Variants in CPS1 observed in about 807,000 individuals in gnomAD.
CPS1 encodes carbamoyl-phosphate synthase [ammonia], mitochondrial.
In CPS1, 109 loss-of-function variants were observed where a neutral mutation model predicts 174.6. The observed-to-expected ratio is 0.62, with a 90% CI of 0.53 to 0.73. The LOEUF is 0.73. Among genes scored for constraint, CPS1 ranks in the 30% least tolerant of loss-of-function variants. The pLI, the probability that CPS1 is intolerant of heterozygous loss-of-function variation, is 0.00. For missense variants in CPS1, 1,689 were observed against 1,821.9 expected, an observed-to-expected ratio of 0.93 and a Z score of 1.33; for synonymous variants, 637 against 632.0, an observed-to-expected ratio of 1.01 and a Z score of -0.12.
At chr2:210,520,954 G>C (rs1379480941) in intron 1 of CPS1, among the ~76,000 whole-genome samples, 1 of 151,962 alleles carries the variant, frequency 6.6e-6, no homozygotes, top group Non-Finnish European at 1.5e-5. Context: ...CATTTCTCTT[G>C]GGGGAAAAAG....
chr2:210,551,169 C>T (rs915690106), intron 1 of CPS1, among the ~76,000 whole-genome samples: 2 of 151,894 alleles, frequency 1.3e-5, no homozygotes, highest in African/African-American at 2.4e-5. Context: ...CTAACTTACA[C>T]GTGACCTCCC....
At chr2:210,663,608 G>T (rs1446619002) in intron 33 of CPS1, among the ~76,000 whole-genome samples, 1 of 152,068 alleles carries the variant, frequency 6.6e-6, no homozygotes, top group African/African-American at 2.4e-5. Context: ...GCATTATAAA[G>T]ATCATAGACC....
At chr2:210,660,783 C>T in intron 32 of CPS1, 128 bp downstream of exon 32, 1 of 928,328 alleles carries the variant, frequency 1.1e-6, no homozygotes, top group Non-Finnish European at 1.7e-6. Flanking sequence ...ATTTACATTT[C>T]CTTTCAATAA....
At chr2:210,547,137 A>G (rs1458161738) in intron 1 of CPS1, among the ~76,000 whole-genome samples, 2 of 152,120 alleles carry the variant, frequency 1.3e-5, no homozygotes, top group Non-Finnish European at 2.9e-5. Context: ...GAATTTACAT[A>G]TGTATGAGCC....
chr2:210,548,885 C>G (rs1381051187), intron 1 of CPS1, among the ~76,000 whole-genome samples: 1 of 152,028 alleles, frequency 6.6e-6, no homozygotes, highest in African/African-American at 2.4e-5. Context: ...AGCACGGGTC[C>G]TATTTCCGAT....
At chr2:210,491,654 T>C (rs1444869489) in intron 1 of CPS1, among the ~76,000 whole-genome samples, 2 of 152,058 alleles carry the variant, frequency 1.3e-5, no homozygotes, top group Non-Finnish European at 2.9e-5. Flanking sequence ...CCTGTGGCAA[T>C]GGGAAGTTAC....
intron 1 of CPS1, among the ~76,000 whole-genome samples, chr2:210,562,616 C>T (rs1697139204): frequency 6.6e-6 from 1 of 151,976 alleles, no homozygotes; most frequent in Non-Finnish European, 1.5e-5. Flanking sequence ...GTGCTTAGTT[C>T]AGATTTATTT....
At chr2:210,538,123 A>T (rs190542339) in intron 1 of CPS1, among the ~76,000 whole-genome samples, 525 of 152,292 alleles carry the variant, frequency 3.4e-3, no homozygotes, top group African/African-American at 0.012. Context: ...GCAGGATTTG[A>T]AATAGGAATA....
intron 1 of CPS1, among the ~76,000 whole-genome samples, chr2:210,544,473 A>C (rs1331525164): frequency 6.6e-6 from 1 of 152,082 alleles, no homozygotes; most frequent in Non-Finnish European, 1.5e-5. Context: ...CTGTACAAAC[A>C]TGTAGCTGTT....
At chr2:210,493,181 C>G (rs1694912446) in intron 1 of CPS1, among the ~76,000 whole-genome samples, 2 of 152,174 alleles carry the variant, frequency 1.3e-5, no homozygotes, top group South Asian at 4.1e-4. Context: ...CTGGACTCCT[C>G]TCTGTGGGTT....
chr2:210,678,383 C>T lies in CPS1; in HGVS notation c.*398C>T. On this transcript the variant is annotated 3_prime_UTR_variant, in exon 38 of 38. Transcript: ENST00000233072. ...TAAAACACTATCTGCAAACTCAGGACACTTTAACAGGGCAGAATACTCTAA... is the reference window on the plus strand; with the variant it reads ...TAAAACACTATCTGCAAACTCAGGATACTTTAACAGGGCAGAATACTCTAA... 3.6e-6 allele frequency: 1 copy of T among 279,298 alleles called. No individual in the cohort carries two copies. The highest frequency in any genetic ancestry group is 9.4e-5 in the East Asian group (1 of 10,676). The allele number at this position is 279,298 out of a possible 1,614,324, so 17.3% of individuals were successfully genotyped here.
Position 210,582,465 on chromosome 2 carries a change from A to T in CPS1, c.529-152A>T, listed in dbSNP as rs114690929. ...TATGTGCAAATTGCTTAATCTTTTCAGTTTGAGAAGATGAAGATCTTCCAT... is the reference window on the plus strand; with the variant it reads ...TATGTGCAAATTGCTTAATCTTTTCTGTTTGAGAAGATGAAGATCTTCCAT... On this transcript the variant is annotated intron_variant, in intron 5 of 37. Transcript: ENST00000233072. 1,256 of 674,026 alleles carry T rather than the reference A, an allele frequency of 1.9e-3. 14 individuals are homozygous for T. In the African/African-American group the frequency reaches 0.021, roughly 11 times the overall value. 41.8% of individuals were successfully genotyped at this position (674,026 alleles called of 1,614,324 possible).
At chr2:210,556,234 C>T, upstream of CPS1, 1 of 403,762 alleles carries the variant, frequency 2.5e-6, no homozygotes, top group African/African-American at 2.1e-5. Context: ...CTTTTTACCC[C>T]AACAGAAAAT....
chr2:210,642,299 C>T (rs1348090582), intron 24 of CPS1, among the ~76,000 whole-genome samples, 185 bp from the exon 25 acceptor site: 1 of 152,126 alleles, frequency 6.6e-6, no homozygotes, highest in Non-Finnish European at 1.5e-5. Flanking sequence ...AATTAGTACC[C>T]ATTTTTCCTA....
intron 1 of CPS1, among the ~76,000 whole-genome samples, chr2:210,502,441 G>A (rs1215834985): frequency 1.4e-5 from 2 of 141,856 alleles, no homozygotes; most frequent in Admixed American, 1.4e-4. Flanking sequence ...GAGATATAGA[G>A]ATATCTATGA....
intron 1 of CPS1, among the ~76,000 whole-genome samples, chr2:210,513,334 A>C (rs1216924333): frequency 6.6e-6 from 1 of 151,558 alleles, no homozygotes. Flanking sequence ...CAGCCTCACC[A>C]GCATCTGTGT....
chr2:210,635,374 T>C (rs772965018), intron 21 of CPS1, among the ~76,000 whole-genome samples: 4 of 152,222 alleles, frequency 2.6e-5, no homozygotes, highest in Non-Finnish European at 5.9e-5. Flanking sequence ...ATAAAGTGTT[T>C]TGAATCACTA....
chr2:210,607,222 A>G (rs1424209959), intron 18 of CPS1, among the ~76,000 whole-genome samples: 1 of 151,932 alleles, frequency 6.6e-6, no homozygotes, highest in African/African-American at 2.4e-5. Flanking sequence ...TCCTAATTGC[A>G]CTTTGCAGAT....
chr2:210,480,927 G>A (rs1392748103), intron 1 of CPS1, among the ~76,000 whole-genome samples: 1 of 152,154 alleles, frequency 6.6e-6, no homozygotes, highest in East Asian at 1.9e-4. Context: ...AGGAGCAATT[G>A]CCAGTGGAGG....
Sources: allele counts gnomAD v4.1 joint callset (sites outside exome capture counted in the v4.1 genomes callset), GRCh38; gene constraint gnomAD v4.1.1; transcripts MANE v1.5; gene names NCBI Gene and HGNC (gene_info 2026-07-23, HGNC 2026-07-21).